Variants in FBXL20 observed in about 807,000 individuals in gnomAD.
FBXL20 encodes F-box/LRR-repeat protein 20.
Under a neutral mutation model 64.0 loss-of-function variants are expected in FBXL20, and 11 were observed. The observed-to-expected ratio is 0.17, with a 90% CI of 0.11 to 0.28. FBXL20 has a LOEUF of 0.28. FBXL20 is among the 10% of genes least tolerant of loss of function. The pLI is 1.00. For synonymous variants in FBXL20, 184 were observed against 189.0 expected (o/e 0.97, Z 0.22); for missense variants, 303 against 526.2 (o/e 0.58, Z 4.15).
chr17:39,310,142 GT>G (rs1294220197), intron 2 of FBXL20, among the ~76,000 whole-genome samples: 1 of 140,186 alleles, frequency 7.1e-6, no homozygotes, highest in Non-Finnish European at 1.5e-5. Flanking sequence ...ATGAGACCCT[GT>G]CTACAAATTT....
intron 1 of FBXL20, among the ~76,000 whole-genome samples, chr17:39,344,968 A>G (rs2047618857): frequency 6.6e-6 from 1 of 152,212 alleles, no homozygotes; most frequent in Non-Finnish European, 1.5e-5. Flanking sequence ...AACGAGAGCC[A>G]CCATTTTTGC....
chr17:39,380,496 G>A (rs1466454795), intron 1 of FBXL20, among the ~76,000 whole-genome samples: 1 of 152,086 alleles, frequency 6.6e-6, no homozygotes. Flanking sequence ...TCTTTCCTCT[G>A]ATAACCACAC....
chr17:39,274,939 G>C (rs1372493042), intron 10 of FBXL20, 31 bp downstream of exon 10: 2 of 1,610,912 alleles, frequency 1.2e-6, no homozygotes, highest in Admixed American at 1.7e-5. Context: ...TTTGTTCTAT[G>C]ATTTTTTTGA....
chr17:39,375,249 C>G (rs1003278486), intron 1 of FBXL20, among the ~76,000 whole-genome samples: 1 of 151,310 alleles, frequency 6.6e-6, no homozygotes, highest in Non-Finnish European at 1.5e-5. Context: ...AAACTATGAA[C>G]TGAGAAATAC....
At chr17:39,289,964 A>T (rs924876632) in intron 6 of FBXL20, among the ~76,000 whole-genome samples, 5 of 134,972 alleles carry the variant, frequency 3.7e-5, no homozygotes, top group Non-Finnish European at 7.6e-5. Context: ...GTGCCACTGC[A>T]CTCCAGCCTG....
At chr17:39,396,464 C>T (rs1019808260) in intron 1 of FBXL20, among the ~76,000 whole-genome samples, 3 of 151,852 alleles carry the variant, frequency 2.0e-5, no homozygotes, top group East Asian at 1.9e-4. Flanking sequence ...TGCATGGTGG[C>T]GGGTGCCTGT....
chr17:39,344,601 C>CTGGTAGAG (rs1478927396), intron 1 of FBXL20, among the ~76,000 whole-genome samples: 4 of 151,472 alleles, frequency 2.6e-5, no homozygotes, highest in Non-Finnish European at 1.5e-5. Flanking sequence ...GCCTGGCCAA[C>CTGGTAGAG]ATGGCGAAAC....
At chr17:39,306,295 C>T (rs2047182640) in intron 2 of FBXL20, among the ~76,000 whole-genome samples, 1 of 151,868 alleles carries the variant, frequency 6.6e-6, no homozygotes, top group Admixed American at 6.6e-5. Context: ...GGATTACAGG[C>T]ATCCCACCAC....
intron 1 of FBXL20, among the ~76,000 whole-genome samples, chr17:39,383,375 T>C (rs1233878953): frequency 6.6e-6 from 1 of 151,854 alleles, no homozygotes; most frequent in Non-Finnish European, 1.5e-5. Flanking sequence ...AATCTTAACA[T>C]TTTGGAAGGC....
intron 1 of FBXL20, among the ~76,000 whole-genome samples, chr17:39,376,255 G>A (rs2047966167): frequency 6.6e-6 from 1 of 152,140 alleles, no homozygotes; most frequent in South Asian, 2.1e-4. Flanking sequence ...AGCTCAAAAC[G>A]TTTGTCTTTA....
intron 2 of FBXL20, among the ~76,000 whole-genome samples, chr17:39,311,096 G>A (rs544988861): frequency 2.4e-4 from 37 of 152,210 alleles, no homozygotes; most frequent in African/African-American, 8.7e-4. Flanking sequence ...GAACCCAGGA[G>A]TACGAGGTTG....
Position 39,297,211 on chromosome 17 carries a change from A to G in FBXL20, c.330-16T>C, listed in dbSNP as rs779070667. 18 of 1,589,892 alleles carry G rather than the reference A, an allele frequency of 1.1e-5. No homozygotes were observed. In the African/African-American group the frequency reaches 2.3e-4, roughly 20 times the overall value. ...TGCAAAGGTTCTTTGTAGGAAAGAA[A>G]GTAAGAGGTTTCAAATGAAATAGGC... is the stretch of plus-strand genomic sequence containing the variant. On this transcript the variant is annotated splice_polypyrimidine_tract_variant and intron_variant, in intron 5 of 14. Transcript: ENST00000264658.
intron 1 of FBXL20, among the ~76,000 whole-genome samples, chr17:39,381,967 A>T (rs908214326): frequency 2.1e-5 from 3 of 140,362 alleles, no homozygotes; most frequent in African/African-American, 7.4e-5. Context: ...GGTGGCACAC[A>T]CCTGTAGTCC....
intron 1 of FBXL20, among the ~76,000 whole-genome samples, chr17:39,389,786 C>G (rs2048118286): frequency 1.3e-5 from 2 of 152,202 alleles, no homozygotes; most frequent in South Asian, 2.1e-4. Context: ...CCACTGAACT[C>G]CAGCCTAGGT....
At chr17:39,298,549 A>G (rs1358286596) in intron 5 of FBXL20, among the ~76,000 whole-genome samples, 1 of 151,774 alleles carries the variant, frequency 6.6e-6, no homozygotes, top group African/African-American at 2.4e-5. Flanking sequence ...TGAGACCCTG[A>G]CTCTATAAAA....
At chr17:39,370,482 C>T (rs1187969954) in intron 1 of FBXL20, among the ~76,000 whole-genome samples, 10 of 143,348 alleles carry the variant, frequency 7.0e-5, no homozygotes, top group Admixed American at 2.2e-4. Context: ...CAGAGTGAGA[C>T]ACCATCTCAA....
At chr17:39,305,193 A>G (rs1488219429) in intron 2 of FBXL20, among the ~76,000 whole-genome samples, 2 of 152,376 alleles carry the variant, frequency 1.3e-5, no homozygotes, top group East Asian at 3.8e-4. Flanking sequence ...TAAATTAAAA[A>G]AAGTTAGATC....
At chr17:39,302,597 T>C (rs1019042116) in intron 3 of FBXL20, among the ~76,000 whole-genome samples, 9 of 152,064 alleles carry the variant, frequency 5.9e-5, no homozygotes. Flanking sequence ...AGGGTCTCTA[T>C]CTCCCAACCT....
intron 1 of FBXL20, among the ~76,000 whole-genome samples, chr17:39,387,762 G>C (rs928138542): frequency 1.3e-5 from 2 of 151,930 alleles, no homozygotes; most frequent in African/African-American, 4.8e-5. Flanking sequence ...ATTTTTTGTA[G>C]AGATGAGGTC....
Sources: allele counts gnomAD v4.1 joint callset (sites outside exome capture counted in the v4.1 genomes callset), GRCh38; gene constraint gnomAD v4.1.1; transcripts MANE v1.5; gene names NCBI Gene and HGNC (gene_info 2026-07-23, HGNC 2026-07-21).